RANBP17: variants seen among roughly 807,000 people sequenced by gnomAD.
RANBP17 encodes the protein RAN binding protein 17, also known as ran-binding protein 17.
RANBP17 carries 158 observed loss-of-function variants against 141.2 expected under a neutral mutation model. That is an observed-to-expected ratio of 1.12 (90% confidence interval 0.98 to 1.28). The LOEUF (loss-of-function observed/expected upper bound fraction) is 1.28, where lower values mean the gene tolerates loss of function less well. RANBP17 is among the 50% of genes most tolerant of loss of function. RANBP17 has a pLI of 0.00. For missense variants in RANBP17, 1,438 were observed against 1,290.7 expected, an observed-to-expected ratio of 1.11 and a Z score of -1.75; for synonymous variants, 430 against 450.0, an observed-to-expected ratio of 0.96 and a Z score of 0.56.
intron 14 of RANBP17, among the ~76,000 whole-genome samples, chr5:171,007,106 G>A (rs1345566894): frequency 6.6e-6 from 1 of 152,118 alleles, no homozygotes. Flanking sequence ...TGGGGAAAGG[G>A]TAGAAGTTAG....
At chr5:171,044,135 G>C (rs964630998) in intron 14 of RANBP17, among the ~76,000 whole-genome samples, 8 of 151,990 alleles carry the variant, frequency 5.3e-5, no homozygotes, top group Non-Finnish European at 8.8e-5. Flanking sequence ...TCTCCTAAAC[G>C]TGTAGAAAGG....
chr5:170,900,206 G>A (rs1770511301), intron 5 of RANBP17, among the ~76,000 whole-genome samples: 1 of 152,068 alleles, frequency 6.6e-6, no homozygotes, highest in African/African-American at 2.4e-5. Flanking sequence ...ACCTGTTATT[G>A]CTCTATTCAG....
At chr5:171,096,120 G>T (rs1786671904) in intron 14 of RANBP17, among the ~76,000 whole-genome samples, 1 of 152,088 alleles carries the variant, frequency 6.6e-6, no homozygotes, top group Non-Finnish European at 1.5e-5. Flanking sequence ...GGAAGAAGTG[G>T]CAGGCACATT....
intron 14 of RANBP17, among the ~76,000 whole-genome samples, chr5:171,168,901 C>G (rs1321499248): frequency 6.6e-6 from 1 of 151,956 alleles, no homozygotes; most frequent in Non-Finnish European, 1.5e-5. Context: ...TTCAGCCCTT[C>G]CTGCCTTCTG....
chr5:171,159,932 A>G (rs940549558), intron 14 of RANBP17, among the ~76,000 whole-genome samples: 2 of 151,106 alleles, frequency 1.3e-5, no homozygotes, highest in Admixed American at 6.6e-5. Flanking sequence ...AAAAAAAAAA[A>G]AAAAAAAAAG....
intron 24 of RANBP17, chr5:171,252,067 G>C: frequency 6.2e-7 from 1 of 1,602,286 alleles, no homozygotes; most frequent in Non-Finnish European, 8.6e-7. Context: ...ATGCTTAGCA[G>C]ATCTCTTCCA....
At chr5:170,966,004 A>G (rs190767519) in intron 13 of RANBP17, among the ~76,000 whole-genome samples, 4,065 of 152,166 alleles carry the variant, frequency 0.027, 177 homozygotes, top group African/African-American at 0.091. Flanking sequence ...TGGCCATTTT[A>G]TCTCTGAATA....
chr5:171,243,061 T>G, intron 24 of RANBP17: 1 of 488,596 alleles, frequency 2.0e-6, no homozygotes, highest in South Asian at 2.4e-5. Context: ...TTCAGTGACT[T>G]TAAGTGGATA....
intron 12 of RANBP17, among the ~76,000 whole-genome samples, chr5:170,952,425 T>C (rs918746809): frequency 3.3e-5 from 5 of 152,068 alleles, no homozygotes; most frequent in Non-Finnish European, 5.9e-5. Flanking sequence ...TGTGAATACT[T>C]GCCAGGTTAG....
At chr5:170,937,903 ATAACT>A (rs1452165155) in intron 12 of RANBP17, among the ~76,000 whole-genome samples, 1 of 152,230 alleles carries the variant, frequency 6.6e-6, no homozygotes, top group African/African-American at 2.4e-5. Flanking sequence ...AGAGTTAGTA[ATAACT>A]TAAGTGTGGT....
At chr5:171,155,094 A>ATATATATATATAT (rs1554106865) in intron 14 of RANBP17, among the ~76,000 whole-genome samples, 12 of 74,960 alleles carry the variant, frequency 1.6e-4, no homozygotes, top group Non-Finnish European at 2.5e-4. Context: ...AAAAAAAAAA[A>ATATATATATATAT]ATATATATAT....
At chr5:171,099,414 G>C (rs1033356818) in intron 14 of RANBP17, among the ~76,000 whole-genome samples, 3 of 150,878 alleles carry the variant, frequency 2.0e-5, no homozygotes, top group African/African-American at 7.3e-5. Flanking sequence ...GGCTGATATT[G>C]GTGTATAGGA....
chr5:171,185,602 C>T (rs777260504), intron 18 of RANBP17, among the ~76,000 whole-genome samples: 1 of 152,196 alleles, frequency 6.6e-6, no homozygotes, highest in Non-Finnish European at 1.5e-5. Context: ...GAAGAAGCAA[C>T]TCCTCATCCA....
intron 14 of RANBP17, chr5:171,161,479 G>C: frequency 5.1e-6 from 1 of 195,746 alleles, no homozygotes; most frequent in Non-Finnish European, 1.1e-5. Context: ...GAGTTGGGTT[G>C]CTGGTTATGA....
intron 2 of RANBP17, among the ~76,000 whole-genome samples, chr5:170,878,449 G>C (rs1768378511): frequency 6.6e-6 from 1 of 152,110 alleles, no homozygotes; most frequent in African/African-American, 2.4e-5. Context: ...GCCAGGAAAT[G>C]AAATAGGAAT....
At chr5:171,113,846 C>T (rs1755420445) in intron 14 of RANBP17, among the ~76,000 whole-genome samples, 2 of 152,232 alleles carry the variant, frequency 1.3e-5, no homozygotes, top group African/African-American at 4.8e-5. Flanking sequence ...ACCTTTTTCA[C>T]TCTCATGAAT....
At chr5:170,903,882 G>T in intron 5 of RANBP17, 1 of 504,564 alleles carries the variant, frequency 2.0e-6, no homozygotes. Flanking sequence ...CCTTAATAAG[G>T]ACCATAATGA....
intron 16 of RANBP17, among the ~76,000 whole-genome samples, chr5:171,172,348 A>C (rs1044541568): frequency 7.2e-5 from 11 of 151,884 alleles, no homozygotes; most frequent in South Asian, 6.2e-4. Context: ...TATCACTACA[A>C]ATTTTGAGGA....
At chr5:171,013,192 A>G (rs182407441) in intron 14 of RANBP17, among the ~76,000 whole-genome samples, 12 of 152,278 alleles carry the variant, frequency 7.9e-5, no homozygotes, top group Admixed American at 5.9e-4. Context: ...CCCAGAACTC[A>G]AGGATAATCT....
Sources: gnomAD v4.1 joint callset for allele counts (sites outside exome capture counted in the v4.1 genomes callset) on GRCh38, gnomAD v4.1.1 for gene constraint, MANE v1.5 for transcripts, NCBI Gene and HGNC (gene_info 2026-07-23, HGNC 2026-07-21) for gene names.